The following SCNN1A variants were observed in gnomAD, a reference collection of about 807,000 sequenced individuals.
The protein encoded by SCNN1A is epithelial sodium channel subunit alpha.
A neutral mutation model predicts 68.6 loss-of-function variants in SCNN1A; 65 were observed. The ratio of observed to expected loss-of-function variants is 0.95; its 90% confidence interval spans 0.78 to 1.16. The LOEUF (loss-of-function observed/expected upper bound fraction) is 1.16. SCNN1A is among the 50% of genes most tolerant of loss of function. The pLI is 0.00. For missense variants in SCNN1A, 880 were observed against 865.9 expected, an observed-to-expected ratio of 1.02 and a Z score of -0.20; for synonymous variants, 357 against 353.3, an observed-to-expected ratio of 1.01 and a Z score of -0.12.
chr12:6,369,340 G>A (rs539553888), intron 2 of SCNN1A, among the ~76,000 whole-genome samples: 8 of 142,956 alleles, frequency 5.6e-5, no homozygotes, highest in South Asian at 2.3e-4. Flanking sequence ...GCCACCCTAC[G>A]CACCTCCCTC....
rs748445983 is a variant in SCNN1A, at chr12:6,347,885, C to G, written c.1998G>C (p.Leu666=). 1.2e-6 allele frequency: 2 copies of G among 1,602,428 alleles called. No homozygotes were observed. Among genetic ancestry groups the G allele is most frequent in the East Asian group, 2.2e-5 (1 of 44,738 alleles). ...SAGASSSTCP[L]GGP The stretch of plus-strand genomic sequence containing the variant: ...CTCTCCTTCCCTCTCAGGGCCCCCC[C>G]AGAGGACAGGTGGAGGAACTGGCCC... The change falls in exon 13 of 13, where the codon CTG becomes CTC. Residue 666 remains leucine (L), a synonymous_variant. Coordinates refer to ENST00000228916, the MANE Select transcript of SCNN1A (RefSeq NM_001038.6).
At position 6,347,632 on chromosome 12, in the gene SCNN1A, A is replaced by C; in HGVS notation, c.*241T>G. ...AGCCGCAGTTGGGTGGGGAAACCAG[A>C]GTGTTCAGAGGCAGTACCAAGGGGT... On this transcript the variant is annotated 3_prime_UTR_variant, in exon 13 of 13. Coordinates refer to ENST00000228916, the MANE Select transcript of SCNN1A (RefSeq NM_001038.6). The C allele has an allele frequency of 1.8e-6, 1 of 541,936 alleles. No individual in the cohort carries two copies. Among genetic ancestry groups the C allele is most frequent in the East Asian group, 2.9e-5 (1 of 34,740 alleles). The allele number at this position is 541,936 out of a possible 1,614,324, so 33.6% of individuals were successfully genotyped here. A position where few individuals can be genotyped will look rare whatever the true frequency, so the allele number is the denominator to read the frequency against.
intron 2 of SCNN1A, among the ~76,000 whole-genome samples, chr12:6,367,046 T>C (rs1220813045): frequency 6.6e-6 from 1 of 152,188 alleles, no homozygotes; most frequent in African/African-American, 2.4e-5. Context: ...GAGACCAGCC[T>C]GGGCAACACG....
At chr12:6,377,066 G>A, upstream of SCNN1A, 1 of 546,984 alleles carries the variant, frequency 1.8e-6, no homozygotes, top group Non-Finnish European at 3.2e-6. Flanking sequence ...AGCCTTCCCA[G>A]AGAAGGTGTC....
chr12:6,354,602 C>T, intron 7 of SCNN1A, 47 bp from the exon 8 acceptor site: 2 of 1,472,652 alleles, frequency 1.4e-6, no homozygotes, highest in Non-Finnish European at 9.5e-7. Context: ...GGCCTGAACT[C>T]AGCAGTTCTC....
intron 4 of SCNN1A, among the ~76,000 whole-genome samples, chr12:6,360,730 C>T (rs1002842480): frequency 5.9e-5 from 9 of 152,126 alleles, no homozygotes; most frequent in East Asian, 1.9e-4. Context: ...GGAAAATAAA[C>T]GAGCAGGAGG....
intron 2 of SCNN1A, among the ~76,000 whole-genome samples, chr12:6,366,002 G>C (rs1455843715): frequency 6.6e-6 from 1 of 151,892 alleles, no homozygotes; most frequent in African/African-American, 2.4e-5. Context: ...CTACAGGTGC[G>C]TGCCACCACG....
intron 2 of SCNN1A, among the ~76,000 whole-genome samples, chr12:6,366,800 CA>C (rs549082404): frequency 0.012 from 1,279 of 104,116 alleles, 10 homozygotes; most frequent in Middle Eastern, 0.041. Context: ...AACTCCATCT[CA>C]AAAAAAAAAA....
chr12:6,373,213 C>T (rs986982601), intron 2 of SCNN1A, among the ~76,000 whole-genome samples: 13 of 151,820 alleles, frequency 8.6e-5, no homozygotes, highest in Non-Finnish European at 1.6e-4. Flanking sequence ...ATGGAATATA[C>T]GAAGGGGCCT....
At chr12:6,353,403 G>A (rs1453725831) in intron 8 of SCNN1A, among the ~76,000 whole-genome samples, 4 of 152,024 alleles carry the variant, frequency 2.6e-5, no homozygotes, top group East Asian at 1.9e-4. Context: ...CCAGGGAAGT[G>A]TTGTGTACCC....
chr12:6,375,193 C>T (rs939473201), intron 1 of SCNN1A: 1 of 1,447,918 alleles, frequency 6.9e-7, no homozygotes, highest in African/African-American at 1.4e-5. Context: ...TCAGCTCCTG[C>T]CTCTCACTCC....
rs546012100 is a variant in SCNN1A, at chr12:6,352,687, C to G, written c.1360+1751G>C. Among the ~76,000 whole-genome samples the G allele has an allele frequency of 1.1e-4, 17 of 152,354 alleles. No homozygotes were observed. In the South Asian group the frequency reaches 3.1e-3, roughly 28 times the overall value. The stretch of plus-strand genomic sequence containing the variant: ...GAGACAGGAGATGAGGCCAGATGGC[C>G]TTTGGGTTTCCCCCAGTTCTGATGT... On this transcript the variant is annotated intron_variant, in intron 8 of 12. Transcript: ENST00000228916.
rs1333985861 is a variant in SCNN1A, at chr12:6,372,375, G to A, written c.416+1993C>T. 6.7e-6 allele frequency among the ~76,000 whole-genome samples: 1 copy of A among 149,516 alleles called. No individual in the cohort carries two copies. The highest frequency in any genetic ancestry group is 2.5e-5 in the African/African-American group (1 of 40,494). On this transcript the variant is annotated intron_variant, in intron 2 of 12. Coordinates refer to ENST00000228916, the MANE Select transcript of SCNN1A (RefSeq NM_001038.6). The surrounding 1 kb of genome is among the most constrained non-coding windows in gnomAD (Gnocchi z 5.8). Reference sequence around the variant, plus strand: ...CTTGGTGGGTGTTGCATCTCCTCCCGCTGTGCTGGGGAGCCCTTCCCCGAC... The same window carrying A: ...CTTGGTGGGTGTTGCATCTCCTCCCACTGTGCTGGGGAGCCCTTCCCCGAC...
chr12:6,348,981 G>A lies in SCNN1A; in HGVS notation c.1522C>T (p.Arg508Ter), dbSNP rs137852634. ...SQEWVFQMLS[R>*]QNNYTVNNKR... ...TTGTTGACGGTGTAATTGTTCTGTC[G>A]CGATAGCATCTGGAAGACCCATTCC... is the stretch of plus-strand genomic sequence containing the variant. Residue 508 changes from arginine (R) to a stop codon, truncating the protein, a stop_gained, in exon 11 of 13, where the codon CGA (arginine) becomes TGA (stop). Coordinates refer to ENST00000228916, the MANE Select transcript of SCNN1A (RefSeq NM_001038.6). LOFTEE classifies it high-confidence loss of function. The A allele has an allele frequency of 1.2e-5, 19 of 1,613,972 alleles. No individual in the cohort carries two copies. Among genetic ancestry groups the A allele is most frequent in the South Asian group, 3.3e-5 (3 of 91,076 alleles).
upstream of SCNN1A, chr12:6,377,143 C>A: frequency 2.4e-6 from 2 of 839,970 alleles, no homozygotes; most frequent in Non-Finnish European, 3.7e-6. Context: ...GTACTCCAGG[C>A]TCAGGGTCCA....
chr12:6,356,094 G>C (rs1489932369), intron 4 of SCNN1A: 1 of 611,510 alleles, frequency 1.6e-6, no homozygotes, highest in African/African-American at 1.8e-5. Context: ...GCCTGTGAGA[G>C]TCTCATCCTC....
At chr12:6,364,017 C>A in intron 2 of SCNN1A, 1 of 266,336 alleles carries the variant, frequency 3.8e-6, no homozygotes, top group East Asian at 6.6e-5. Context: ...AGAAGGGAAC[C>A]CGGAACTTGT....
intron 2 of SCNN1A, among the ~76,000 whole-genome samples, chr12:6,367,800 T>G (rs1948705771): frequency 6.6e-6 from 1 of 152,258 alleles, no homozygotes. Context: ...GGGTCTGGGC[T>G]GGAGCCAGAA....
chr12:6,358,843 G>C (rs1463571729), intron 4 of SCNN1A, among the ~76,000 whole-genome samples: 1 of 133,602 alleles, frequency 7.5e-6, no homozygotes, highest in African/African-American at 3.1e-5. Flanking sequence ...CTGGGTAACA[G>C]AGTGAGAACC....
Sources: gnomAD v4.1 joint callset for allele counts (sites outside exome capture counted in the v4.1 genomes callset) on GRCh38, gnomAD v4.1.1 for gene constraint, Gnocchi (gnomAD v3.1) non-coding constraint, MANE v1.5 for transcripts, NCBI Gene and HGNC (gene_info 2026-07-23, HGNC 2026-07-21) for gene names.